RANBP17: variants seen among roughly 807,000 people sequenced by gnomAD.
RANBP17 encodes the protein RAN binding protein 17, also known as ran-binding protein 17.
In RANBP17, 158 loss-of-function variants were observed where a neutral mutation model predicts 141.2. The observed-to-expected ratio is 1.12, with a 90% CI of 0.98 to 1.28. The LOEUF (loss-of-function observed/expected upper bound fraction) is 1.28, where lower values mean the gene tolerates loss of function less well. RANBP17 is among the 50% of genes most tolerant of loss of function. The pLI is 0.00. For missense variants in RANBP17, 1,438 were observed against 1,290.7 expected, an observed-to-expected ratio of 1.11 and a Z score of -1.75; for synonymous variants, 430 against 450.0, an observed-to-expected ratio of 0.96 and a Z score of 0.56.
At chr5:171,278,772 G>A (rs1767682645) in intron 25 of RANBP17, among the ~76,000 whole-genome samples, 1 of 152,154 alleles carries the variant, frequency 6.6e-6, no homozygotes, top group Admixed American at 6.5e-5. Context: ...TTGTCTGGGG[G>A]TGAAACTACC....
At chr5:170,956,144 T>C (rs1405656206) in intron 13 of RANBP17, among the ~76,000 whole-genome samples, 1 of 151,962 alleles carries the variant, frequency 6.6e-6, no homozygotes, top group African/African-American at 2.4e-5. Context: ...TCCTACCCTC[T>C]ACTGATTTGA....
At chr5:170,944,176 T>C (rs1774563883) in intron 12 of RANBP17, among the ~76,000 whole-genome samples, 2 of 152,176 alleles carry the variant, frequency 1.3e-5, no homozygotes, top group Admixed American at 1.3e-4. Context: ...ACACTGTGAG[T>C]CTAAAATTGT....
intron 14 of RANBP17, among the ~76,000 whole-genome samples, chr5:171,047,249 C>T (rs1782649863): frequency 6.6e-6 from 1 of 151,732 alleles, no homozygotes; most frequent in South Asian, 2.1e-4. Flanking sequence ...AACTCCTGAC[C>T]TCATGTGATC....
intron 14 of RANBP17, among the ~76,000 whole-genome samples, chr5:171,005,035 G>T (rs1779492541): frequency 6.6e-6 from 1 of 152,094 alleles, no homozygotes; most frequent in Admixed American, 6.6e-5. Flanking sequence ...AGGTGAGGTT[G>T]ATTAATTCCT....
At chr5:170,909,132 A>G (rs1771312801) in intron 5 of RANBP17, among the ~76,000 whole-genome samples, 1 of 151,890 alleles carries the variant, frequency 6.6e-6, no homozygotes, top group Admixed American at 6.6e-5. Flanking sequence ...ATTCAGAGGG[A>G]ATATACTATT....
intron 14 of RANBP17, among the ~76,000 whole-genome samples, chr5:171,111,866 T>A (rs903865720): frequency 1.3e-5 from 2 of 152,224 alleles, no homozygotes; most frequent in South Asian, 4.1e-4. Context: ...CTTTAGGTTA[T>A]GAGCCACTTA....
rs537029611 is a variant in RANBP17, at chr5:171,243,053, C to G, written c.2776+233C>G. 2.0e-5 allele frequency: 10 copies of G among 504,780 alleles called. No homozygotes were observed. In the East Asian group the frequency reaches 3.6e-4, roughly 18 times the overall value. The allele number at this position is 504,780 out of a possible 1,614,324, so 31.3% of individuals were successfully genotyped here. ...GGTATAATTTACATACAATAAAATT[C>G]AGTGACTTTAAGTGGATAGTTCAGT... On this transcript the variant is annotated intron_variant, in intron 24 of 27. Transcript: ENST00000523189.
intron 5 of RANBP17, among the ~76,000 whole-genome samples, chr5:170,906,144 C>T (rs1183442233): frequency 6.6e-6 from 1 of 152,010 alleles, no homozygotes; most frequent in Non-Finnish European, 1.5e-5. Context: ...AAAATGAACA[C>T]TGGAATTATT....
intron 10 of RANBP17, 92 bp downstream of exon 10, chr5:170,918,951 T>A: frequency 1.4e-6 from 1 of 701,216 alleles, no homozygotes; most frequent in South Asian, 3.8e-5. Context: ...AAATATCTAT[T>A]AATTTGATTA....
At chr5:170,916,673 A>T in intron 9 of RANBP17, 89 bp downstream of exon 9, 19 of 710,454 alleles carry the variant, frequency 2.7e-5, no homozygotes, top group Non-Finnish European at 3.6e-5. Flanking sequence ...ATTTATTATG[A>T]TTCTGGAAGA....
At chr5:170,872,353 C>T (rs74568082) in intron 1 of RANBP17, among the ~76,000 whole-genome samples, 2,435 of 152,130 alleles carry the variant, frequency 0.016, 65 homozygotes, top group African/African-American at 0.056. Flanking sequence ...TGATTTTGCC[C>T]GTTGATTTTG....
chr5:171,030,765 T>C (rs1235356269), intron 14 of RANBP17, among the ~76,000 whole-genome samples: 1 of 152,036 alleles, frequency 6.6e-6, no homozygotes, highest in Non-Finnish European at 1.5e-5. Flanking sequence ...TTCAAAGACT[T>C]AGGAAGTAGC....
intron 18 of RANBP17, among the ~76,000 whole-genome samples, chr5:171,189,075 A>T (rs1452588840): frequency 1.3e-5 from 2 of 152,182 alleles, no homozygotes; most frequent in Non-Finnish European, 2.9e-5. Flanking sequence ...TTTTTTTTTA[A>T]ATGTAAATAT....
At chr5:171,210,972 C>T (rs148049661) in intron 20 of RANBP17, among the ~76,000 whole-genome samples, 7,919 of 149,192 alleles carry the variant, frequency 0.053, 284 homozygotes, top group Non-Finnish European at 0.076. Flanking sequence ...GCCACTGCAC[C>T]CCAGCCTGGC....
chr5:171,273,946 A>G (rs1455624878), intron 25 of RANBP17, among the ~76,000 whole-genome samples: 1 of 152,144 alleles, frequency 6.6e-6, no homozygotes, highest in Non-Finnish European at 1.5e-5. Context: ...ATACTTGTCT[A>G]CTGGAACTTA....
chr5:170,930,390 T>C (rs974325247), intron 12 of RANBP17, among the ~76,000 whole-genome samples: 1 of 151,364 alleles, frequency 6.6e-6, no homozygotes, highest in African/African-American at 2.4e-5. Flanking sequence ...TTCTAATCTT[T>C]TTATTATTTT....
intron 11 of RANBP17, among the ~76,000 whole-genome samples, chr5:170,923,746 C>A (rs942189026): frequency 6.6e-6 from 1 of 151,948 alleles, no homozygotes. Flanking sequence ...TTTATGTTTC[C>A]TACTGCCTTT....
At chr5:170,942,090 C>T (rs1236176276) in intron 12 of RANBP17, among the ~76,000 whole-genome samples, 1 of 152,158 alleles carries the variant, frequency 6.6e-6, no homozygotes. Flanking sequence ...GGAGCGTGAA[C>T]CCTATTGTGA....
chr5:171,076,232 A>T (rs1385599616), intron 14 of RANBP17, among the ~76,000 whole-genome samples: 1 of 152,232 alleles, frequency 6.6e-6, no homozygotes, highest in African/African-American at 2.4e-5. Flanking sequence ...TTATTCTAAG[A>T]TTACAAGATT....
Sources: gnomAD v4.1 joint callset for allele counts (sites outside exome capture counted in the v4.1 genomes callset) on GRCh38, gnomAD v4.1.1 for gene constraint, MANE v1.5 for transcripts, NCBI Gene and HGNC (gene_info 2026-07-23, HGNC 2026-07-21) for gene names.